The following AHRR variants were observed in gnomAD, a reference collection of about 807,000 sequenced individuals.
The protein encoded by AHRR is ahR repressor.
AHRR carries 28 observed loss-of-function variants against 44.0 expected under a neutral mutation model. The ratio of observed to expected loss-of-function variants is 0.64; its 90% CI spans 0.47 to 0.87. AHRR has a LOEUF of 0.87. AHRR is among the 40% of genes least tolerant of loss of function. The pLI, the probability that AHRR is intolerant of heterozygous loss-of-function variation, is 0.00. For missense variants in AHRR, 990 were observed against 953.9 expected (o/e 1.04, Z -0.50); for synonymous variants, 434 against 407.0 (o/e 1.07, Z -0.80).
chr5:390,487 A>T (rs1393607494), intron 4 of AHRR, among the ~76,000 whole-genome samples: 1 of 152,248 alleles, frequency 6.6e-6, no homozygotes, highest in Non-Finnish European at 1.5e-5. Context: ...AATTAAAAGC[A>T]TGAGAGCAAA....
intron 5 of AHRR, among the ~76,000 whole-genome samples, chr5:413,953 C>T (rs1169872574): frequency 6.6e-6 from 1 of 152,176 alleles, no homozygotes; most frequent in Admixed American, 6.5e-5. Context: ...GCAACTCACC[C>T]GGGAAAAGGT....
chr5:330,428 C>T (rs1212740252), intron 1 of AHRR, among the ~76,000 whole-genome samples: 1 of 152,154 alleles, frequency 6.6e-6, no homozygotes, highest in Non-Finnish European at 1.5e-5. Flanking sequence ...GGCTGGACTA[C>T]AGTGGCACCA....
chr5:322,166 C>A (rs1357148063), intron 1 of AHRR, among the ~76,000 whole-genome samples: 1 of 152,108 alleles, frequency 6.6e-6, no homozygotes, highest in Non-Finnish European at 1.5e-5. Context: ...CGGGGCCCCG[C>A]TGTCGGGCCG....
At position 408,381 on chromosome 5, in the gene AHRR, C is replaced by CTT. The variant is rs1735351676; in HGVS notation, c.352-4963_352-4962insTT. ...ATTCAGTAATTCCTATTTTCCTGAGCCTTTTTTTTTTTCAGGAATAATTGT... is the reference window on the plus strand; with the variant it reads ...ATTCAGTAATTCCTATTTTCCTGAGCTTCTTTTTTTTTTTCAGGAATAATTGT... On this transcript the variant is annotated intron_variant, in intron 4 of 10. Transcript: ENST00000684583. 1.4e-5 allele frequency among the ~76,000 whole-genome samples: 2 copies of CTT among 141,660 alleles called. 1 individual carries two copies. Among genetic ancestry groups the CTT allele is most frequent in the South Asian group, 4.2e-4 (2 of 4,718 alleles). The allele number at this position is 141,660 out of a possible 152,430, so 92.9% of individuals were successfully genotyped here. A position where few individuals can be genotyped will look rare whatever the true frequency, so the allele number is the denominator to read the frequency against.
chr5:365,290 T>C (rs923469585), intron 3 of AHRR, among the ~76,000 whole-genome samples: 4 of 152,014 alleles, frequency 2.6e-5, no homozygotes, highest in Admixed American at 6.6e-5. Context: ...AGATAAAATA[T>C]TGAAGAATAA....
intron 4 of AHRR, 31 bp downstream of exon 4, chr5:376,747 T>G (rs919343460): frequency 2.6e-6 from 4 of 1,553,694 alleles, no homozygotes. Flanking sequence ...CTCGAACACT[T>G]GACACTTGGT....
intron 1 of AHRR, among the ~76,000 whole-genome samples, chr5:335,090 G>C (rs956108344): frequency 5.3e-5 from 8 of 152,072 alleles, no homozygotes; most frequent in African/African-American, 1.9e-4. Flanking sequence ...AGCAGCTGTG[G>C]GTTAACCATG....
At chr5:360,190 CT>C (rs1292891240) in intron 3 of AHRR, among the ~76,000 whole-genome samples, 1 of 152,156 alleles carries the variant, frequency 6.6e-6, no homozygotes, top group Non-Finnish European at 1.5e-5. Flanking sequence ...CAAAAGAACC[CT>C]CTGTCCCTCT....
intron 2 of AHRR, 85 bp from the exon 3 acceptor site, chr5:353,645 G>A (rs1742938091): frequency 2.3e-6 from 3 of 1,297,464 alleles, no homozygotes; most frequent in Non-Finnish European, 3.2e-6. Flanking sequence ...CTCCTAGTAA[G>A]GTCACTGCAG....
intron 4 of AHRR, among the ~76,000 whole-genome samples, chr5:400,988 G>A (rs914767842): frequency 1.3e-5 from 2 of 152,208 alleles, no homozygotes; most frequent in African/African-American, 4.8e-5. Context: ...AGGACCCGAG[G>A]CCCTGGTGCA....
intron 7 of AHRR, among the ~76,000 whole-genome samples, chr5:424,672 A>G (rs1040136613): frequency 2.6e-5 from 4 of 152,198 alleles, no homozygotes; most frequent in Non-Finnish European, 5.9e-5. Flanking sequence ...TGTGCCCCAC[A>G]TCTGCCAAGG....
rs1488751660 is a variant in AHRR at position 390,507 on chromosome 5, G to C, written c.351+13791G>C. Among the ~76,000 whole-genome samples, 5 of 152,184 alleles carry C rather than the reference G, an allele frequency of 3.3e-5. No homozygotes were observed. In the East Asian group the frequency reaches 9.6e-4, roughly 29 times the overall value. ...AAAGCATGAGAGCAAAAGCCCTAAC[G>C]ATCCCGGAGAAGCATTTGACGTTAA... On this transcript the variant is annotated intron_variant, in intron 4 of 10. Transcript: ENST00000684583.
rs570686834 is a variant in AHRR at position 395,772 on chromosome 5, G to A, written c.352-17572G>A. Among the ~76,000 whole-genome samples, 3 of 152,242 alleles carry A rather than the reference G, an allele frequency of 2.0e-5. No homozygotes were observed. The highest frequency in any genetic ancestry group is 2.9e-5 in the Non-Finnish European group (2 of 68,044). On this transcript the variant is annotated intron_variant, in intron 4 of 10. Transcript: ENST00000684583. This position sits in a 1 kb window ranked among gnomAD's most constrained non-coding sequence, Gnocchi z 5.3. ...CCACAGGCTGCTGTCCTAAAGAAAG[G>A]CCTAGAAGCCCTCCCAGCTGGGGCT...
At position 388,300 on chromosome 5, in the gene AHRR, G is replaced by C. The variant is rs377324327; in HGVS notation, c.351+11584G>C. ...CGAACCCAAGCCCTGAACTGCTGTC[G>C]TACACAGGGCTCAGTGCGACTGCGC... is the stretch of plus-strand genomic sequence containing the variant. On this transcript the variant is annotated intron_variant, in intron 4 of 10. Coordinates refer to ENST00000684583, the MANE Select transcript of AHRR (RefSeq NM_001377236.1). This position sits in a 1 kb window ranked among gnomAD's most constrained non-coding sequence, Gnocchi z 5.2. Among the ~76,000 whole-genome samples, 1 of 152,220 alleles carries C rather than the reference G, an allele frequency of 6.6e-6. No individual in the cohort carries two copies. Among genetic ancestry groups the C allele is most frequent in the African/African-American group, 2.4e-5 (1 of 41,466 alleles).
At chr5:381,436 A>G (rs1733976380) in intron 4 of AHRR, among the ~76,000 whole-genome samples, 1 of 148,202 alleles carries the variant, frequency 6.7e-6, no homozygotes, top group South Asian at 2.1e-4. Context: ...CAAAGAGGCT[A>G]TCTGCCTTGT....
rs1332462430 is a variant in AHRR, at chr5:344,940, GT to G, written c.62+977del. Among the ~76,000 whole-genome samples, 19 of 81,404 alleles carry G rather than the reference GT, an allele frequency of 2.3e-4. No individual in the cohort carries two copies. In the South Asian group the frequency reaches 4.8e-3, roughly 21 times the overall value. The allele number at this position is 81,404 out of a possible 152,430, so 53.4% of individuals were successfully genotyped here. A position where few individuals can be genotyped will look rare whatever the true frequency, so the allele number is the denominator to read the frequency against. On this transcript the variant is annotated intron_variant, in intron 2 of 10. Transcript: ENST00000684583. ...TGTGGAGGGCTGTGGGGAGCTGTGT[GT>G]GGGGGGGGTGTGTGTGTGAGGTTGG...
In AHRR at chr5:344,840, T is replaced by TGTGTGGCGG. The variant is rs1553978811; in HGVS notation, c.62+881_62+882insGCGGGTGTG. Among the ~76,000 whole-genome samples, 20 of 94,696 alleles carry TGTGTGGCGG rather than the reference T, an allele frequency of 2.1e-4. 2 individuals carry two copies. The African/African-American group carries it at 2.2e-3, about 11-fold the overall frequency. 62.1% of individuals were successfully genotyped at this position (94,696 alleles called of 152,430 possible). On this transcript the variant is annotated intron_variant, in intron 2 of 10. Transcript: ENST00000684583. ...GTGTGTGTGGGGGACTGTAGGGAGC[T>TGTGTGGCGG]GTGTGTGTGGGGTGTGTGAGACTGT...
chr5:365,547 AGTT>A (rs762930871), intron 3 of AHRR, among the ~76,000 whole-genome samples: 1 of 152,134 alleles, frequency 6.6e-6, no homozygotes, highest in Non-Finnish European at 1.5e-5. Context: ...TTAATTAAGT[AGTT>A]CTGATAAAGA....
chr5:364,151 G>A (rs756706210), intron 3 of AHRR, among the ~76,000 whole-genome samples: 3 of 152,194 alleles, frequency 2.0e-5, no homozygotes, highest in Non-Finnish European at 4.4e-5. Flanking sequence ...AAATACATTT[G>A]TGGGCTGGTA....
Sources: gnomAD v4.1 joint callset for allele counts (sites outside exome capture counted in the v4.1 genomes callset) on GRCh38, gnomAD v4.1.1 for gene constraint, Gnocchi (gnomAD v3.1) non-coding constraint, MANE v1.5 for transcripts, NCBI Gene and HGNC (gene_info 2026-07-23, HGNC 2026-07-21) for gene names.